ANKRD30A: variants seen among roughly 807,000 people sequenced by gnomAD.
The protein encoded by ANKRD30A is ankyrin repeat domain-containing protein 30A.
ANKRD30A carries 170 observed loss-of-function variants against 166.3 expected under a neutral mutation model. That is an observed-to-expected ratio of 1.02 (90% CI 0.90 to 1.16). The LOEUF (loss-of-function observed/expected upper bound fraction) is 1.16. Among genes scored for constraint, ANKRD30A ranks in the 50% most tolerant of loss-of-function variants. The pLI, the probability that ANKRD30A is intolerant of heterozygous loss-of-function variation, is 0.00. For synonymous variants in ANKRD30A, 564 were observed against 508.9 expected, an observed-to-expected ratio of 1.11 and a Z score of -1.46; for missense variants, 1,630 against 1,518.0, an observed-to-expected ratio of 1.07 and a Z score of -1.23.
chr10:37,262,143 C>T, the ANKRD30A span, among the ~76,000 whole-genome samples: 2 of 152,156 alleles, frequency 1.3e-5, no homozygotes, highest in Admixed American at 6.5e-5. Flanking sequence ...AGGTGATTAG[C>T]AGATTTCCCC....
At chr10:37,200,841 T>C (rs1204280786) in intron 30 of ANKRD30A, among the ~76,000 whole-genome samples, 3 of 152,084 alleles carry the variant, frequency 2.0e-5, no homozygotes, top group Non-Finnish European at 4.4e-5. Context: ...ATATTTTACA[T>C]GTTTAATGCA....
In ANKRD30A at chr10:37,199,782, T is replaced by G; in HGVS notation, c.2772T>G (p.Asp924Glu). ...KQKKVEENSW[D>E]SESLRETVSQ... Reference sequence around the variant, plus strand: ...AGAAGGTTGAAGAAAATTCTTGGGATTCTGAGGTACTATGTGTTATTGATT... The same window carrying G: ...AGAAGGTTGAAGAAAATTCTTGGGAGTCTGAGGTACTATGTGTTATTGATT... Residue 924 changes from aspartate (D) to glutamate (E), a missense_variant, in exon 30 of 36, where the codon GAT becomes GAG. By Grantham distance (45) the Asp-to-Glu change is conservative. Transcript: ENST00000361713. 1.3e-6 allele frequency: 2 copies of G among 1,565,950 alleles called. No homozygotes were observed. Among genetic ancestry groups the G allele is most frequent in the Non-Finnish European group, 1.7e-6 (2 of 1,145,040 alleles).
chr10:37,151,531 C>CA (rs1451134569), intron 11 of ANKRD30A, among the ~76,000 whole-genome samples: 1 of 151,956 alleles, frequency 6.6e-6, no homozygotes, highest in Non-Finnish European at 1.5e-5. Flanking sequence ...AAAACACACC[C>CA]AATACACTGT....
intron 11 of ANKRD30A, among the ~76,000 whole-genome samples, chr10:37,151,059 A>T (rs537017164): frequency 7.9e-6 from 1 of 126,262 alleles, no homozygotes; most frequent in East Asian, 2.0e-4. Flanking sequence ...AACATTAGGG[A>T]TGCTAAGATC....
chr10:37,214,227 T>C (rs2132727852), intron 31 of ANKRD30A, among the ~76,000 whole-genome samples: 1 of 151,798 alleles, frequency 6.6e-6, no homozygotes, highest in East Asian at 1.9e-4. Flanking sequence ...CCACCCTTCC[T>C]CAGCCTTCTT....
intron 15 of ANKRD30A, among the ~76,000 whole-genome samples, chr10:37,160,026 G>T (rs1838731977): frequency 6.6e-6 from 1 of 152,126 alleles, no homozygotes; most frequent in Non-Finnish European, 1.5e-5. Context: ...ATAAATGGTT[G>T]TACACTGTAC....
At chr10:37,232,790 G>A (rs1843503422), downstream of ANKRD30A, among the ~76,000 whole-genome samples, 1 of 143,490 alleles carries the variant, frequency 7.0e-6, no homozygotes, top group South Asian at 2.3e-4. Flanking sequence ...AGGCTGAGTA[G>A]GCAAAAGAGT....
chr10:37,224,569 T>G (rs1843052424), intron 34 of ANKRD30A, among the ~76,000 whole-genome samples: 2 of 151,316 alleles, frequency 1.3e-5, no homozygotes, highest in South Asian at 4.1e-4. Context: ...AATTGTGTTT[T>G]TGCCACTCAG....
intron 24 of ANKRD30A, among the ~76,000 whole-genome samples, chr10:37,179,031 T>C (rs1380678585): frequency 4.3e-3 from 226 of 53,086 alleles, no homozygotes; most frequent in African/African-American, 0.011. Context: ...TATATATATA[T>C]ATATATATAT....
intron 34 of ANKRD30A, 45 bp downstream of exon 34, chr10:37,219,942 A>C: frequency 7.4e-7 from 1 of 1,347,610 alleles, no homozygotes; most frequent in Non-Finnish European, 9.6e-7. Flanking sequence ...TCCTGAAAGA[A>C]AGTTTAAAGT....
At chr10:37,162,052 C>G (rs1320346893) in intron 15 of ANKRD30A, among the ~76,000 whole-genome samples, 1 of 152,086 alleles carries the variant, frequency 6.6e-6, no homozygotes, top group Non-Finnish European at 1.5e-5. Flanking sequence ...GAGTTTTACA[C>G]ATCTTCTTGC....
rs529441803 is a variant in ANKRD30A at position 37,205,685 on chromosome 10, A to G, written c.2869+4360A>G. ...ACCTGACTATGTGAAGCTGTGTTTT[A>G]TCTATTATTGGTGAATATAAGCATA... On this transcript the variant is annotated intron_variant, in intron 31 of 35. Transcript: ENST00000361713. Among the ~76,000 whole-genome samples, 8 of 152,330 alleles carry G rather than the reference A, an allele frequency of 5.3e-5. No homozygotes were observed. In the South Asian group the frequency reaches 1.7e-3, roughly 32 times the overall value.
intron 6 of ANKRD30A, among the ~76,000 whole-genome samples, chr10:37,140,250 C>T (rs555595461): frequency 1.3e-3 from 204 of 152,240 alleles, no homozygotes; most frequent in Admixed American, 2.0e-3. Context: ...TTAGTGGGCT[C>T]CTACAGTGAA....
intron 30 of ANKRD30A, among the ~76,000 whole-genome samples, chr10:37,200,099 T>G (rs1411988370): frequency 1.3e-5 from 2 of 152,136 alleles, no homozygotes; most frequent in East Asian, 3.9e-4. Context: ...TTACACTGAG[T>G]CCAGCTCTGG....
At chr10:37,254,569 A>G in the ANKRD30A span, among the ~76,000 whole-genome samples, 9 of 149,536 alleles carry the variant, frequency 6.0e-5, no homozygotes, top group East Asian at 1.8e-3. Flanking sequence ...TTTTCTTTTC[A>G]CTGTTGAGTT....
chr10:37,190,190 G>A (rs1840421235), intron 25 of ANKRD30A, among the ~76,000 whole-genome samples: 1 of 151,836 alleles, frequency 6.6e-6, no homozygotes. Context: ...TCAAACTTTA[G>A]AAAGTCAGCT....
intron 15 of ANKRD30A, among the ~76,000 whole-genome samples, chr10:37,158,802 G>A (rs898417159): frequency 6.6e-6 from 1 of 152,104 alleles, no homozygotes; most frequent in African/African-American, 2.4e-5. Context: ...ACCTCATGTG[G>A]TTCTACTTTA....
intron 31 of ANKRD30A, among the ~76,000 whole-genome samples, chr10:37,209,842 A>G (rs539384884): frequency 6.6e-5 from 10 of 152,134 alleles, no homozygotes; most frequent in South Asian, 6.2e-4. Context: ...TTTGACACTG[A>G]CTAGATCTTA....
chr10:37,232,693 TAAATAG>T (rs1168066138), downstream of ANKRD30A: 1 of 9,124 alleles, frequency 1.1e-4, no homozygotes, highest in Non-Finnish European at 2.8e-4. Context: ...TATATATATA[TAAATAG>T]AGAGAGAGAG....
Sources: gnomAD v4.1 joint callset for allele counts (sites outside exome capture counted in the v4.1 genomes callset) on GRCh38, gnomAD v4.1.1 for gene constraint, MANE v1.5 for transcripts, NCBI Gene and HGNC (gene_info 2026-07-23, HGNC 2026-07-21) for gene names.